The following RABEPK variants were observed in gnomAD, a reference collection of about 807,000 sequenced individuals.
RABEPK encodes Rab9 effector protein with kelch motifs.
A neutral mutation model predicts 34.1 loss-of-function variants in RABEPK; 27 were observed. The observed-to-expected ratio is 0.79, with a 90% CI of 0.58 to 1.09. The LOEUF is 1.09. Ranked by LOEUF, RABEPK falls within the 50% of genes least tolerant of loss-of-function variation. The pLI is 0.00. For missense variants in RABEPK, 449 were observed against 462.6 expected (o/e 0.97, Z 0.27); for synonymous variants, 172 against 169.2 (o/e 1.02, Z -0.13).
At chr9:125,220,362 A>G in intron 4 of RABEPK, 177 bp from the exon 5 acceptor site, 2 of 1,460,412 alleles carry the variant, frequency 1.4e-6, no homozygotes, top group East Asian at 2.5e-5. Context: ...TGTCTTGGCA[A>G]ATCCTAAGTA....
chr9:125,231,173 C>T (rs1588415888), intron 6 of RABEPK, among the ~76,000 whole-genome samples: 1 of 151,678 alleles, frequency 6.6e-6, no homozygotes, highest in African/African-American at 2.4e-5. Context: ...TGTGGCGGCA[C>T]GTGCCAGCTA....
rs544328515 is a variant in RABEPK at position 125,217,114 on chromosome 9, A to G, written c.365-3425A>G. 3.3e-5 allele frequency among the ~76,000 whole-genome samples: 5 copies of G among 152,282 alleles called. No homozygotes were observed. In the East Asian group the frequency reaches 9.7e-4, roughly 29 times the overall value. ...GTCTCTGTTTTGCTATGCACTAACT[A>G]TGACCTTGGACTAGTGATTTAACCT... On this transcript the variant is annotated intron_variant, in intron 4 of 7. Coordinates refer to ENST00000373538, the MANE Select transcript of RABEPK (RefSeq NM_005833.4).
At chr9:125,228,756 G>A (rs1161352121) in intron 6 of RABEPK, among the ~76,000 whole-genome samples, 3 of 151,762 alleles carry the variant, frequency 2.0e-5, no homozygotes, top group African/African-American at 7.2e-5. Context: ...GAGGTAAGGA[G>A]GTCGAGACCA....
In RABEPK at chr9:125,233,791, GA is replaced by G. The variant is rs1832392272; in HGVS notation, c.933del (p.Glu312LysfsTer8). ...CATGGCCAGTGACGTGTGCTTCTGA[GA>G]AAGAAGATTCCAACTCTCTCACTCT... ...IPWPVTCASE[K>X]EDSNSLTLNH... On this transcript the variant is annotated frameshift_variant, in exon 8 of 8. Coordinates refer to ENST00000373538, the MANE Select transcript of RABEPK (RefSeq NM_005833.4). LOFTEE classifies it low-confidence loss of function (END_TRUNC). 3 of 1,614,022 alleles carry G rather than the reference GA, an allele frequency of 1.9e-6. No homozygotes were observed. In the African/African-American group the frequency reaches 4.0e-5, roughly 22 times the overall value.
chr9:125,210,382 T>TGACA (rs1432462487), intron 3 of RABEPK, among the ~76,000 whole-genome samples: 1 of 114,620 alleles, frequency 8.7e-6, no homozygotes, highest in Non-Finnish European at 1.7e-5. Flanking sequence ...CCAGCCTGGG[T>TGACA]GACAGAGCAA....
At chr9:125,227,439 TAAGACAGAG>T in intron 5 of RABEPK, among the ~76,000 whole-genome samples, 1 of 151,950 alleles carries the variant, frequency 6.6e-6, no homozygotes, top group Non-Finnish European at 1.5e-5. Flanking sequence ...TTCTTTTTTT[TAAGACAGAG>T]TCTTGCTCTG....
Position 125,232,707 on chromosome 9 carries a change from C to T in RABEPK, c.788C>T (p.Pro263Leu). The change falls in exon 7 of 8, where the codon CCT (proline) becomes CTT (leucine). Residue 263 changes from proline (P) to leucine (L), a missense_variant. By Grantham distance (98) the Pro-to-Leu change is moderately conservative. Transcript: ENST00000373538. ...GTGTACATCTTTGGTGGAATGACTC[C>T]TGCAGGAGCACTGGACACAATGTAC... ...KHVYIFGGMT[P>L]AGALDTMYQY... 2 of 1,614,100 alleles carry T rather than the reference C, an allele frequency of 1.2e-6. No individual in the cohort carries two copies. Among genetic ancestry groups the T allele is most frequent in the Admixed American group, 3.3e-5 (2 of 60,014 alleles).
intron 5 of RABEPK, 21 bp from the exon 6 acceptor site, chr9:125,227,889 T>G (rs1831875904): frequency 1.3e-6 from 2 of 1,516,828 alleles, no homozygotes; most frequent in Non-Finnish European, 1.8e-6. Flanking sequence ...CCATTTGATG[T>G]TATTGAATTT....
intron 4 of RABEPK, among the ~76,000 whole-genome samples, chr9:125,217,623 A>G (rs1831012234): frequency 6.6e-6 from 1 of 152,128 alleles, no homozygotes; most frequent in South Asian, 2.1e-4. Context: ...CCTAGAAAAT[A>G]TAATTTGACA....
chr9:125,224,226 C>CTG (rs1564192596), intron 5 of RABEPK, among the ~76,000 whole-genome samples: 1 of 146,066 alleles, frequency 6.8e-6, no homozygotes, highest in Non-Finnish European at 1.5e-5. Context: ...AAAAAAAAAA[C>CTG]AACAGAGTTT....
chr9:125,231,031 A>G (rs1298224966), intron 6 of RABEPK, among the ~76,000 whole-genome samples: 1 of 151,602 alleles, frequency 6.6e-6, no homozygotes, highest in Admixed American at 6.6e-5. Context: ...GGCTGGGAGC[A>G]GTGGCTCACC....
intron 4 of RABEPK, among the ~76,000 whole-genome samples, chr9:125,215,674 C>T (rs1309211633): frequency 6.6e-6 from 1 of 152,020 alleles, no homozygotes; most frequent in Non-Finnish European, 1.5e-5. Flanking sequence ...AATATCATAA[C>T]TTCTCCATTT....
chr9:125,217,240 C>T (rs1371480161), intron 4 of RABEPK, among the ~76,000 whole-genome samples: 2 of 152,078 alleles, frequency 1.3e-5, no homozygotes, highest in African/African-American at 4.8e-5. Flanking sequence ...ATAATTAATG[C>T]TCAGTAATTG....
intron 4 of RABEPK, among the ~76,000 whole-genome samples, chr9:125,219,723 G>A (rs62580620): frequency 0.18 from 27,399 of 151,022 alleles, 3,017 homozygotes; most frequent in Middle Eastern, 0.25. Context: ...GTAGAGACAG[G>A]ATATTGCTTT....
chr9:125,203,096 A>T (rs749274338), intron 2 of RABEPK, 30 bp downstream of exon 2: 43 of 1,595,464 alleles, frequency 2.7e-5, no homozygotes, highest in Non-Finnish European at 3.6e-5. Flanking sequence ...GACACAGAAA[A>T]GCATGAGTTT....
intron 2 of RABEPK, among the ~76,000 whole-genome samples, chr9:125,204,729 C>T (rs1830109666): frequency 6.6e-6 from 1 of 152,206 alleles, no homozygotes; most frequent in South Asian, 2.1e-4. Context: ...CTGTTCCACT[C>T]AGGAGCTGTT....
intron 2 of RABEPK, among the ~76,000 whole-genome samples, chr9:125,206,508 A>AG (rs966714526): frequency 1.3e-4 from 19 of 151,936 alleles, no homozygotes; most frequent in Admixed American, 5.9e-4. Context: ...AAAAAAAAAA[A>AG]AGAGAGAGAG....
intron 6 of RABEPK, among the ~76,000 whole-genome samples, chr9:125,232,285 G>A (rs7869876): frequency 0.024 from 3,574 of 151,648 alleles, 158 homozygotes; most frequent in African/African-American, 0.082. Flanking sequence ...GAGCTAATTC[G>A]AGGCAGTTAA....
intron 4 of RABEPK, among the ~76,000 whole-genome samples, chr9:125,217,366 C>T (rs747628073): frequency 3.9e-5 from 6 of 152,040 alleles, no homozygotes; most frequent in Non-Finnish European, 7.4e-5. Flanking sequence ...ATTTGGAAAG[C>T]TGTCAAAGAG....
Sources: gnomAD v4.1 joint callset for allele counts (sites outside exome capture counted in the v4.1 genomes callset) on GRCh38, gnomAD v4.1.1 for gene constraint, MANE v1.5 for transcripts, NCBI Gene and HGNC (gene_info 2026-07-23, HGNC 2026-07-21) for gene names.